TEK: variants seen among roughly 807,000 people sequenced by gnomAD.
The protein encoded by TEK is TEK receptor tyrosine kinase, also known as angiopoietin-1 receptor.
In TEK, 43 loss-of-function variants were observed where a neutral mutation model predicts 131.8. The observed-to-expected ratio is 0.33, with a 90% confidence interval of 0.26 to 0.42. The LOEUF is 0.42. TEK is among the 10% of genes least tolerant of loss of function. TEK has a pLI of 1.00. For missense variants in TEK, 1,162 were observed against 1,384.4 expected (o/e 0.84, Z 2.55); for synonymous variants, 580 against 491.6 (o/e 1.18, Z -2.38).
chr9:27,149,191 G>GAT (rs1823038792), intron 1 of TEK, among the ~76,000 whole-genome samples: 1 of 152,138 alleles, frequency 6.6e-6, no homozygotes, highest in Admixed American at 6.5e-5. Context: ...CATTGTTAGA[G>GAT]ATACAGCGAT....
intron 15 of TEK, among the ~76,000 whole-genome samples, chr9:27,208,332 T>G (rs1825474700): frequency 6.6e-6 from 1 of 151,120 alleles, no homozygotes; most frequent in Admixed American, 6.6e-5. Flanking sequence ...CTCCTTTCCT[T>G]GCCACCCAAT....
intron 22 of TEK, among the ~76,000 whole-genome samples, chr9:27,228,896 G>A (rs1373111741): frequency 6.6e-6 from 1 of 152,126 alleles, no homozygotes; most frequent in African/African-American, 2.4e-5. Context: ...AACACATTAG[G>A]AGGTACCAAT....
intron 1 of TEK, among the ~76,000 whole-genome samples, chr9:27,126,511 A>G (rs1055854930): frequency 6.6e-6 from 1 of 152,232 alleles, no homozygotes; most frequent in African/African-American, 2.4e-5. Flanking sequence ...TGAGGTTACA[A>G]ATAAATTCTA....
At chr9:27,222,863 A>C (rs1250974249) in intron 21 of TEK, among the ~76,000 whole-genome samples, 1 of 152,232 alleles carries the variant, frequency 6.6e-6, no homozygotes, top group African/African-American at 2.4e-5. Context: ...CACACATTAT[A>C]ATATTGAGAC....
At chr9:27,119,932 A>T (rs1048761841) in intron 1 of TEK, among the ~76,000 whole-genome samples, 1 of 151,946 alleles carries the variant, frequency 6.6e-6, no homozygotes, top group Non-Finnish European at 1.5e-5. Flanking sequence ...CACGTGTGAG[A>T]GAAAGAAATA....
intron 7 of TEK, among the ~76,000 whole-genome samples, chr9:27,182,152 T>C (rs1824402285): frequency 6.6e-6 from 1 of 152,154 alleles, no homozygotes; most frequent in Non-Finnish European, 1.5e-5. Context: ...CTTTGTTCCT[T>C]CCCGTCTGTT....
intron 18 of TEK, among the ~76,000 whole-genome samples, chr9:27,215,928 T>C (rs950751103): frequency 6.6e-6 from 1 of 152,074 alleles, no homozygotes; most frequent in African/African-American, 2.4e-5. Flanking sequence ...AAATGTTAGA[T>C]AGGCAGTGAG....
At chr9:27,129,125 C>A (rs777924532) in intron 1 of TEK, among the ~76,000 whole-genome samples, 2 of 152,090 alleles carry the variant, frequency 1.3e-5, no homozygotes, top group African/African-American at 2.4e-5. Context: ...TCATAAATAG[C>A]TCTTAATATT....
chr9:27,202,795 A>T (rs558393149), intron 12 of TEK, 25 bp from the exon 13 acceptor site: 2 of 1,609,762 alleles, frequency 1.2e-6, no homozygotes, highest in African/African-American at 2.7e-5. Context: ...ATCTTAAGTG[A>T]ATCTTTTTTC....
At position 27,109,241 on chromosome 9, in the gene TEK, G is replaced by GC. The variant is rs1821236855; in HGVS notation, c.-349dup. ...CAAAAATTCCTCTGCCCCTACAGCA[G>GC]CAGCAAAAGCAGCAGCAGAAGCAAC... On this transcript the variant is annotated 5_prime_UTR_variant, in exon 1 of 23. Transcript: ENST00000380036. 5 of 529,932 alleles carry GC rather than the reference G, an allele frequency of 9.4e-6. No individual in the cohort carries two copies. Among genetic ancestry groups the GC allele is most frequent in the Middle Eastern group, 4.8e-4 (1 of 2,086 alleles). 32.8% of individuals were successfully genotyped at this position (529,932 alleles called of 1,614,324 possible). A position where few individuals can be genotyped will look rare whatever the true frequency, so the allele number is the denominator to read the frequency against.
At chr9:27,186,699 G>C (rs1824610730) in intron 9 of TEK, among the ~76,000 whole-genome samples, 1 of 152,196 alleles carries the variant, frequency 6.6e-6, no homozygotes, top group African/African-American at 2.4e-5. Flanking sequence ...TTGTGTTACA[G>C]AGGAGGAGAC....
intron 1 of TEK, among the ~76,000 whole-genome samples, chr9:27,143,850 T>C (rs1822816254): frequency 6.6e-6 from 1 of 152,130 alleles, no homozygotes; most frequent in African/African-American, 2.4e-5. Context: ...ACCCCTTCCA[T>C]GTGGCATCTG....
intron 13 of TEK, 32 bp from the exon 14 acceptor site, chr9:27,204,879 A>T: frequency 1.2e-6 from 2 of 1,612,950 alleles, no homozygotes; most frequent in Non-Finnish European, 1.7e-6. Context: ...TGTAAACTAA[A>T]CTACCTGCTT....
In TEK at chr9:27,229,274, TGGGAGACCCTTGACA is replaced by T; in HGVS notation, c.*43_*57del. On this transcript the variant is annotated 3_prime_UTR_variant, in exon 23 of 23. Coordinates refer to ENST00000380036, the MANE Select transcript of TEK (RefSeq NM_000459.5). ...ACCCTCTGTTTCCCTTTCACTGGCATGGGAGACCCTTGACACCTGCTGAGAAAACATGCCTCTGCC... is the reference window on the plus strand; with the variant it reads ...ACCCTCTGTTTCCCTTTCACTGGCATCCTGCTGAGAAAACATGCCTCTGCC... 1 of 1,585,024 alleles carries T rather than the reference TGGGAGACCCTTGACA, an allele frequency of 6.3e-7. No homozygotes were observed. The highest frequency in any genetic ancestry group is 8.7e-7 in the Non-Finnish European group (1 of 1,153,678).
intron 12 of TEK, among the ~76,000 whole-genome samples, chr9:27,200,846 T>A (rs62546522): frequency 2.8e-3 from 427 of 152,292 alleles, no homozygotes; most frequent in Non-Finnish European, 4.6e-3. Flanking sequence ...AGAGTAAGAA[T>A]GATTATCACA....
chr9:27,178,309 G>A (rs560683087), intron 6 of TEK, among the ~76,000 whole-genome samples: 70 of 151,790 alleles, frequency 4.6e-4, no homozygotes, highest in Non-Finnish European at 8.5e-4. Flanking sequence ...ATTCTGTTCC[G>A]TTGGTCTATA....
At chr9:27,135,342 C>T (rs953755876) in intron 1 of TEK, among the ~76,000 whole-genome samples, 11 of 151,714 alleles carry the variant, frequency 7.3e-5, no homozygotes, top group African/African-American at 1.2e-4. Context: ...CCACCACAAA[C>T]ATTAGCTTTT....
intron 5 of TEK, among the ~76,000 whole-genome samples, chr9:27,172,966 C>G (rs572812242): frequency 6.6e-6 from 1 of 152,074 alleles, no homozygotes; most frequent in African/African-American, 2.4e-5. Context: ...GTGATGTTTA[C>G]AGTGTGAATG....
intron 1 of TEK, among the ~76,000 whole-genome samples, chr9:27,153,392 G>A (rs1315978345): frequency 2.6e-5 from 4 of 152,236 alleles, no homozygotes; most frequent in African/African-American, 9.6e-5. Flanking sequence ...GGAAGTTGCA[G>A]TGAGCCCAGA....
Sources: gnomAD v4.1 joint callset for allele counts (sites outside exome capture counted in the v4.1 genomes callset) on GRCh38, gnomAD v4.1.1 for gene constraint, MANE v1.5 for transcripts, NCBI Gene and HGNC (gene_info 2026-07-23, HGNC 2026-07-21) for gene names.